The following SEMA3D variants were observed in gnomAD, a reference collection of about 807,000 sequenced individuals.
SEMA3D encodes the protein semaphorin-3D.
A neutral mutation model predicts 100.1 loss-of-function variants in SEMA3D; 84 were observed. That is an observed-to-expected ratio of 0.84 (90% CI 0.70 to 1.01). SEMA3D has a LOEUF of 1.01. SEMA3D is among the 50% of genes least tolerant of loss of function. SEMA3D has a pLI of 0.00. For synonymous variants in SEMA3D, 312 were observed against 320.7 expected (o/e 0.97, Z 0.29); for missense variants, 875 against 934.1 (o/e 0.94, Z 0.82).
intron 9 of SEMA3D, among the ~76,000 whole-genome samples, chr7:85,052,713 C>A (rs148346935): frequency 6.6e-6 from 1 of 151,906 alleles, no homozygotes; most frequent in African/African-American, 2.4e-5. Context: ...CCTCACTATA[C>A]TAAAAGCTTT....
chr7:85,053,363 G>GA (rs1293751913), intron 9 of SEMA3D, among the ~76,000 whole-genome samples: 10 of 151,614 alleles, frequency 6.6e-5, no homozygotes, highest in Non-Finnish European at 1.2e-4. Context: ...CTTGTCAAAA[G>GA]AAAAAAACAG....
At chr7:85,172,755 G>A (rs1490809383) in intron 1 of SEMA3D, among the ~76,000 whole-genome samples, 2 of 152,050 alleles carry the variant, frequency 1.3e-5, no homozygotes, top group African/African-American at 4.8e-5. Context: ...CTCAAGTAGA[G>A]CAAGTTGAGC....
intron 3 of SEMA3D, among the ~76,000 whole-genome samples, chr7:85,114,526 A>G (rs1789181774): frequency 6.6e-6 from 1 of 152,176 alleles, no homozygotes; most frequent in South Asian, 2.1e-4. Flanking sequence ...GAAATGACTC[A>G]TAGTAGCCCT....
intron 3 of SEMA3D, among the ~76,000 whole-genome samples, chr7:85,111,271 G>A (rs759141589): frequency 1.3e-5 from 2 of 151,906 alleles, no homozygotes; most frequent in Non-Finnish European, 2.9e-5. Context: ...TGACATCTCC[G>A]TGAACTTCAG....
the SEMA3D span, among the ~76,000 whole-genome samples, chr7:85,249,915 G>C: frequency 6.6e-6 from 1 of 151,882 alleles, no homozygotes; most frequent in Non-Finnish European, 1.5e-5. Context: ...CAGCGTGAGC[G>C]ACGCAGAAGA....
chr7:85,172,506 A>C (rs181355863), intron 1 of SEMA3D, among the ~76,000 whole-genome samples: 1 of 152,046 alleles, frequency 6.6e-6, no homozygotes, highest in South Asian at 2.1e-4. Context: ...ATTCTGAGGA[A>C]TGACCAAGCA....
chr7:85,200,718 G>A, the SEMA3D span, among the ~76,000 whole-genome samples: 1 of 152,176 alleles, frequency 6.6e-6, no homozygotes, highest in Non-Finnish European at 1.5e-5. Context: ...CCAAACAATG[G>A]GGAAAATGTC....
intron 9 of SEMA3D, among the ~76,000 whole-genome samples, chr7:85,046,190 T>C (rs147020799): frequency 1.1e-4 from 17 of 152,102 alleles, no homozygotes; most frequent in African/African-American, 2.6e-4. Flanking sequence ...ACAGTATTCA[T>C]AAAAATGAGC....
At chr7:85,162,059 C>T (rs959342317) in intron 1 of SEMA3D, among the ~76,000 whole-genome samples, 1 of 151,934 alleles carries the variant, frequency 6.6e-6, no homozygotes, top group African/African-American at 2.4e-5. Flanking sequence ...TGTTTCGTAG[C>T]TGTTCCCAAT....
At chr7:85,150,811 C>A (rs1461031648) in intron 2 of SEMA3D, among the ~76,000 whole-genome samples, 3 of 151,900 alleles carry the variant, frequency 2.0e-5, no homozygotes, top group Non-Finnish European at 2.9e-5. Context: ...TGTGGTGCCA[C>A]AATTAAGCCA....
At chr7:85,095,019 A>G (rs1191736067) in intron 4 of SEMA3D, among the ~76,000 whole-genome samples, 1 of 151,948 alleles carries the variant, frequency 6.6e-6, no homozygotes, top group South Asian at 2.1e-4. Flanking sequence ...ATAAAAAACA[A>G]CTCAGTCTAC....
At chr7:85,051,919 A>C (rs1302658858) in intron 9 of SEMA3D, among the ~76,000 whole-genome samples, 1 of 151,884 alleles carries the variant, frequency 6.6e-6, no homozygotes, top group Non-Finnish European at 1.5e-5. Context: ...ATGCATTAAA[A>C]ATTTAGCTCA....
chr7:85,099,692 G>T (rs1788683581), intron 3 of SEMA3D, among the ~76,000 whole-genome samples: 1 of 151,784 alleles, frequency 6.6e-6, no homozygotes, highest in Non-Finnish European at 1.5e-5. Flanking sequence ...TTAGCATTTG[G>T]TGGTATCAGT....
At chr7:85,250,111 G>T in the SEMA3D span, among the ~76,000 whole-genome samples, 2 of 152,070 alleles carry the variant, frequency 1.3e-5, no homozygotes, top group Non-Finnish European at 2.9e-5. Context: ...GGTGAAGGAC[G>T]CACCTGGAGA....
Position 85,037,114 on chromosome 7 carries a change from G to T in SEMA3D, c.1047-81C>A, listed in dbSNP as rs1790721721. On this transcript the variant is annotated intron_variant, in intron 11 of 18. Transcript: ENST00000284136. ...GACTGAGCACATACTATCAGCAGGT[G>T]CTGTGGACAAAATTTACTTAGCACA... 9 of 1,398,590 alleles carry T rather than the reference G, an allele frequency of 6.4e-6. No homozygotes were observed. In the South Asian group the frequency reaches 1.1e-4, roughly 16 times the overall value. The allele number at this position is 1,398,590 out of a possible 1,614,324, so 86.6% of individuals were successfully genotyped here. A position where few individuals can be genotyped will look rare whatever the true frequency, so the allele number is the denominator to read the frequency against.
chr7:85,103,746 A>T (rs2116336637), intron 3 of SEMA3D, among the ~76,000 whole-genome samples: 1 of 152,200 alleles, frequency 6.6e-6, no homozygotes, highest in Non-Finnish European at 1.5e-5. Context: ...ACAGTTTTGG[A>T]AAAAACTACA....
rs758771443 is a variant in SEMA3D at position 84,999,897 on chromosome 7, T to G, written c.1909-32A>C. 7 of 1,580,050 alleles carry G rather than the reference T, an allele frequency of 4.4e-6. No individual in the cohort carries two copies. The South Asian group carries it at 6.7e-5, about 15-fold the overall frequency. On this transcript the variant is annotated intron_variant, in intron 18 of 18. Coordinates refer to ENST00000284136, the MANE Select transcript of SEMA3D (RefSeq NM_001384900.1). ...AATTGGAAAAATGTAGGTAATAAATTAAACACAGAGAGAGCTAAGAGCAAA... is the reference window on the plus strand; with the variant it reads ...AATTGGAAAAATGTAGGTAATAAATGAAACACAGAGAGAGCTAAGAGCAAA...
the SEMA3D span, among the ~76,000 whole-genome samples, chr7:85,221,271 C>T: frequency 6.6e-6 from 1 of 151,972 alleles, no homozygotes; most frequent in Admixed American, 6.6e-5. Context: ...AAAAGGCACA[C>T]CAAGATGCAA....
At chr7:85,027,491 G>A (rs553457281) in intron 12 of SEMA3D, among the ~76,000 whole-genome samples, 1 of 152,020 alleles carries the variant, frequency 6.6e-6, no homozygotes, top group Non-Finnish European at 1.5e-5. Context: ...TGCAGAGGGA[G>A]AGATATTTCA....
Sources: allele counts gnomAD v4.1 joint callset (sites outside exome capture counted in the v4.1 genomes callset), GRCh38; gene constraint gnomAD v4.1.1; transcripts MANE v1.5; gene names NCBI Gene and HGNC (gene_info 2026-07-23, HGNC 2026-07-21).